TMEM135: variants seen among roughly 807,000 people sequenced by gnomAD.
TMEM135 encodes peroxisomal membrane protein 52.
In TMEM135, 30 loss-of-function variants were observed where a neutral mutation model predicts 60.3. The ratio of observed to expected loss-of-function variants is 0.50; its 90% CI spans 0.37 to 0.68. The LOEUF is 0.68. TMEM135 is among the 30% of genes least tolerant of loss of function. TMEM135 has a pLI of 0.00. For synonymous variants in TMEM135, 190 were observed against 186.7 expected, an observed-to-expected ratio of 1.02 and a Z score of -0.14; for missense variants, 468 against 548.8, an observed-to-expected ratio of 0.85 and a Z score of 1.47.
chr11:87,326,692 A>T lies in TMEM135; in HGVS notation c.*5359A>T. ...TTTCTTCATCTTGAGCTCTCAAGGG[A>T]AAAAACAGGAGTCCTTATTTTTCTA... On this transcript the variant is annotated 3_prime_UTR_variant, in exon 15 of 15. Transcript: ENST00000305494. The T allele has an allele frequency of 2.2e-6, 1 of 453,132 alleles. No individual in the cohort carries two copies. Among genetic ancestry groups the T allele is most frequent in the Non-Finnish European group, 4.4e-6 (1 of 226,562 alleles). 28.1% of individuals were successfully genotyped at this position (453,132 alleles called of 1,614,324 possible). A position where few individuals can be genotyped will look rare whatever the true frequency, so the allele number is the denominator to read the frequency against.
At chr11:87,106,660 T>G (rs936989032) in intron 4 of TMEM135, among the ~76,000 whole-genome samples, 1 of 152,206 alleles carries the variant, frequency 6.6e-6, no homozygotes, top group African/African-American at 2.4e-5. Context: ...AAGTGTTTAT[T>G]AGAATTCACC....
At chr11:87,099,402 A>G (rs1419936336) in intron 4 of TMEM135, among the ~76,000 whole-genome samples, 1 of 152,070 alleles carries the variant, frequency 6.6e-6, no homozygotes, top group Non-Finnish European at 1.5e-5. Flanking sequence ...CTCTTTACCC[A>G]TTTTCCCCCA....
chr11:87,202,332 A>G (rs1940122245), intron 5 of TMEM135, among the ~76,000 whole-genome samples: 2 of 151,838 alleles, frequency 1.3e-5, no homozygotes, highest in African/African-American at 4.8e-5. Context: ...AGACTGTTTT[A>G]TTTTATTTTT....
chr11:87,073,720 T>G (rs1445205948), intron 3 of TMEM135, among the ~76,000 whole-genome samples: 1 of 151,902 alleles, frequency 6.6e-6, no homozygotes, highest in East Asian at 1.9e-4. Flanking sequence ...CAGGCTGGAG[T>G]GCAATGGTGC....
chr11:87,174,123 T>C (rs1046067147), intron 5 of TMEM135, among the ~76,000 whole-genome samples: 11 of 152,152 alleles, frequency 7.2e-5, no homozygotes, highest in African/African-American at 2.7e-4. Flanking sequence ...CAAGTCTTAG[T>C]TGAGCAGAAG....
intron 4 of TMEM135, 45 bp from the exon 5 acceptor site, chr11:87,157,296 A>T: frequency 1.3e-6 from 2 of 1,532,546 alleles, no homozygotes; most frequent in South Asian, 1.1e-5. Flanking sequence ...TTGAGGAGAG[A>T]TTGTAGATCA....
intron 9 of TMEM135, 22 bp from the exon 10 acceptor site, chr11:87,309,483 T>C: frequency 6.2e-7 from 1 of 1,613,254 alleles, no homozygotes; most frequent in Non-Finnish European, 8.5e-7. Flanking sequence ...GTAAATCAGG[T>C]TTTTCTCCAA....
chr11:87,134,572 C>T lies in TMEM135; in HGVS notation c.397-22769C>T, dbSNP rs534924004. Among the ~76,000 whole-genome samples the T allele has an allele frequency of 1.3e-4, 20 of 152,280 alleles. No individual in the cohort carries two copies. The South Asian group carries it at 4.1e-3, about 32-fold the overall frequency. ...ATCACATCTCACTGCAATGCAAACT[C>T]CTGGGCTCAGATGATCCTTTCACCT... On this transcript the variant is annotated intron_variant, in intron 4 of 14. Coordinates refer to ENST00000305494, the MANE Select transcript of TMEM135 (RefSeq NM_022918.4).
chr11:87,155,576 T>A (rs1038750944), intron 4 of TMEM135, among the ~76,000 whole-genome samples: 1 of 152,026 alleles, frequency 6.6e-6, no homozygotes, highest in African/African-American at 2.4e-5. Flanking sequence ...CAGAGAGAGA[T>A]GTTTAAGTTT....
intron 6 of TMEM135, among the ~76,000 whole-genome samples, chr11:87,245,038 G>A (rs79270958): frequency 2.9e-4 from 42 of 142,542 alleles, no homozygotes; most frequent in African/African-American, 1.1e-3. Context: ...CCCAGAGATT[G>A]TGGTATGTTG....
rs1422746434 is a variant in TMEM135 at position 87,067,805 on chromosome 11, T to G, written c.253T>G (p.Phe85Val). The G allele has an allele frequency of 1.2e-6, 2 of 1,613,680 alleles. No homozygotes were observed. Among genetic ancestry groups the G allele is most frequent in the African/African-American group, 2.7e-5 (2 of 74,906 alleles). The change falls in exon 2 of 15, where the codon TTC becomes GTC. Residue 85 changes from phenylalanine to valine, a missense_variant. Physicochemically the swap from Phe to Val is conservative, Grantham distance 50 (BLOSUM62 -1). Transcript: ENST00000305494. ...LTANGALYMA[F>V]FCILRKILGK... ...TGCTAATGGGGCCTTGTATATGGCT[T>G]TCTTTTGCATTTTAAGGTTGGTACT...
chr11:87,161,174 A>C (rs966332299), intron 5 of TMEM135, among the ~76,000 whole-genome samples: 1 of 152,196 alleles, frequency 6.6e-6, no homozygotes, highest in Non-Finnish European at 1.5e-5. Flanking sequence ...TTGGAATTAC[A>C]GGCATGAGCC....
At chr11:87,320,469 C>G (rs1049592001) in intron 14 of TMEM135, among the ~76,000 whole-genome samples, 7 of 152,130 alleles carry the variant, frequency 4.6e-5, no homozygotes, top group Non-Finnish European at 8.8e-5. Context: ...TACTGAAAGT[C>G]ACATTTATAG....
At chr11:87,288,666 A>AT (rs1212861709) in intron 6 of TMEM135, among the ~76,000 whole-genome samples, 2 of 109,092 alleles carry the variant, frequency 1.8e-5, no homozygotes, top group Non-Finnish European at 4.1e-5. Flanking sequence ...ATTTACTTTT[A>AT]GTTTTTTTAT....
At chr11:87,295,361 A>G (rs965880096) in intron 6 of TMEM135, among the ~76,000 whole-genome samples, 3 of 152,196 alleles carry the variant, frequency 2.0e-5, no homozygotes, top group Non-Finnish European at 4.4e-5. Context: ...GCATTCACTG[A>G]TTTAATAGGT....
intron 6 of TMEM135, among the ~76,000 whole-genome samples, chr11:87,284,501 C>G (rs1554984491): frequency 1.3e-5 from 2 of 149,782 alleles, no homozygotes; most frequent in Admixed American, 1.3e-4. Context: ...AGTTAGGACA[C>G]ACCAGAAAAA....
At chr11:87,258,824 A>G in intron 6 of TMEM135, 1 of 662,154 alleles carries the variant, frequency 1.5e-6, no homozygotes, top group South Asian at 1.6e-5. Flanking sequence ...TCCCACGGAG[A>G]CAGCTCATAT....
At chr11:87,166,933 A>G (rs13266909) in intron 5 of TMEM135, among the ~76,000 whole-genome samples, 2 of 152,168 alleles carry the variant, frequency 1.3e-5, no homozygotes, top group Non-Finnish European at 2.9e-5. Context: ...CTTCCTATCC[A>G]TGAGCATGGA....
chr11:87,168,400 G>A (rs1439332699), intron 5 of TMEM135, among the ~76,000 whole-genome samples: 2 of 151,958 alleles, frequency 1.3e-5, no homozygotes, highest in East Asian at 3.9e-4. Context: ...TGATATTAGG[G>A]TGTTGATTTT....
Sources: allele counts gnomAD v4.1 joint callset (sites outside exome capture counted in the v4.1 genomes callset), GRCh38; gene constraint gnomAD v4.1.1; transcripts MANE v1.5; gene names NCBI Gene and HGNC (gene_info 2026-07-23, HGNC 2026-07-21).